The following PTPRD variants were observed in gnomAD, a reference collection of about 807,000 sequenced individuals.
PTPRD encodes the protein receptor-type tyrosine-protein phosphatase delta.
PTPRD carries 34 observed loss-of-function variants against 214.5 expected under a neutral mutation model. The ratio of observed to expected loss-of-function variants is 0.16; its 90% CI spans 0.12 to 0.21. The LOEUF (loss-of-function observed/expected upper bound fraction) is 0.21. Ranked by LOEUF, PTPRD falls within the 10% of genes least tolerant of loss-of-function variation. The pLI is 1.00. For synonymous variants in PTPRD, 1,128 were observed against 845.7 expected (o/e 1.33, Z -5.79); for missense variants, 2,545 against 2,398.7 (o/e 1.06, Z -1.27).
intron 14 of PTPRD, among the ~76,000 whole-genome samples, chr9:8,554,258 G>C (rs1347736957): frequency 1.3e-5 from 2 of 152,006 alleles, no homozygotes; most frequent in Non-Finnish European, 2.9e-5. Context: ...ATAAATAAAA[G>C]CTTTGTTAAC....
intron 3 of PTPRD, among the ~76,000 whole-genome samples, chr9:10,189,254 C>T (rs947901344): frequency 6.6e-6 from 1 of 152,106 alleles, no homozygotes; most frequent in Non-Finnish European, 1.5e-5. Context: ...GCCCTGCTGC[C>T]ACTTTTAGGG....
intron 14 of PTPRD, among the ~76,000 whole-genome samples, chr9:8,606,738 G>A (rs961989418): frequency 3.9e-5 from 6 of 152,164 alleles, no homozygotes; most frequent in Non-Finnish European, 2.9e-5. Flanking sequence ...TTATGCTAGA[G>A]GAAGGTCATT....
At chr9:9,045,747 G>C (rs2099670625) in intron 10 of PTPRD, among the ~76,000 whole-genome samples, 1 of 152,124 alleles carries the variant, frequency 6.6e-6, no homozygotes, top group Non-Finnish European at 1.5e-5. Context: ...CAGCCAGCAA[G>C]CACCAGCTGT....
chr9:9,214,148 G>A (rs112608391), intron 9 of PTPRD, among the ~76,000 whole-genome samples: 124 of 152,230 alleles, frequency 8.1e-4, no homozygotes, highest in African/African-American at 2.8e-3. Context: ...AAGGAGAAGT[G>A]CAAAGTATCC....
At chr9:9,336,275 G>C (rs1006828856) in intron 9 of PTPRD, among the ~76,000 whole-genome samples, 3 of 152,134 alleles carry the variant, frequency 2.0e-5, no homozygotes, top group African/African-American at 7.2e-5. Context: ...ATGTAGAGAT[G>C]TTGGTCATAC....
At chr9:10,464,338 T>G (rs762654764) in intron 2 of PTPRD, among the ~76,000 whole-genome samples, 2 of 151,696 alleles carry the variant, frequency 1.3e-5, no homozygotes, top group Non-Finnish European at 2.9e-5. Context: ...CGAGGTCATG[T>G]CACTGCACTC....
At chr9:9,589,968 T>C (rs1347889635) in intron 7 of PTPRD, among the ~76,000 whole-genome samples, 2 of 152,006 alleles carry the variant, frequency 1.3e-5, no homozygotes, top group East Asian at 3.9e-4. Flanking sequence ...TCATACATTG[T>C]GATTCTCATT....
intron 9 of PTPRD, among the ~76,000 whole-genome samples, chr9:9,229,273 G>C (rs978339684): frequency 6.6e-6 from 1 of 152,054 alleles, no homozygotes; most frequent in Non-Finnish European, 1.5e-5. Flanking sequence ...TCCTGTAACT[G>C]ATAAGATTTG....
At chr9:8,950,877 T>G (rs1302756416) in intron 11 of PTPRD, among the ~76,000 whole-genome samples, 1 of 152,066 alleles carries the variant, frequency 6.6e-6, no homozygotes, top group East Asian at 1.9e-4. Flanking sequence ...TGTTCAGATT[T>G]TATTGCCAGT....
At chr9:9,958,030 AAG>A (rs78520608) in intron 4 of PTPRD, among the ~76,000 whole-genome samples, 37,609 of 152,082 alleles carry the variant, frequency 0.25, 5,611 homozygotes, top group East Asian at 0.53. Context: ...GTGTATGTGT[AAG>A]AGAGAGAATC....
chr9:10,568,324 C>T (rs1803744759), intron 2 of PTPRD, among the ~76,000 whole-genome samples: 1 of 152,036 alleles, frequency 6.6e-6, no homozygotes. Flanking sequence ...GCATAGTATT[C>T]CATGGTGTAT....
intron 2 of PTPRD, among the ~76,000 whole-genome samples, chr9:10,488,353 T>G (rs1294922914): frequency 2.4e-5 from 3 of 125,196 alleles, no homozygotes; most frequent in Admixed American, 9.7e-5. Context: ...GGCAACAGAG[T>G]GAGACTCTGT....
intron 34 of PTPRD, chr9:8,437,143 G>A: frequency 8.0e-7 from 1 of 1,249,506 alleles, no homozygotes; most frequent in Non-Finnish European, 1.1e-6. Context: ...AAGGGAAAGA[G>A]TAGTAGCTTG....
intron 3 of PTPRD, among the ~76,000 whole-genome samples, chr9:10,202,083 T>G (rs2099428458): frequency 6.6e-6 from 1 of 152,056 alleles, no homozygotes; most frequent in Non-Finnish European, 1.5e-5. Context: ...AGAGGCTGTT[T>G]AGGCTGAGAA....
At chr9:8,323,946 A>C (rs1830945716) in intron 44 of PTPRD, among the ~76,000 whole-genome samples, 1 of 152,142 alleles carries the variant, frequency 6.6e-6, no homozygotes, top group Non-Finnish European at 1.5e-5. Context: ...TTGATGTGGC[A>C]AACTTCATTA....
intron 5 of PTPRD, among the ~76,000 whole-genome samples, chr9:9,858,790 C>G (rs2062059877): frequency 6.6e-6 from 1 of 152,150 alleles, no homozygotes; most frequent in African/African-American, 2.4e-5. Context: ...CCCAAATCAA[C>G]AGTTACTTTT....
intron 7 of PTPRD, among the ~76,000 whole-genome samples, chr9:9,590,278 C>G (rs984425794): frequency 1.3e-5 from 2 of 151,888 alleles, no homozygotes; most frequent in African/African-American, 4.8e-5. Flanking sequence ...ATGTGAGCTC[C>G]TCACAGGCAG....
At chr9:8,501,721 C>G (rs916687125) in intron 23 of PTPRD, among the ~76,000 whole-genome samples, 1 of 152,136 alleles carries the variant, frequency 6.6e-6, no homozygotes, top group Non-Finnish European at 1.5e-5. Flanking sequence ...AGTGAGCATG[C>G]AGAATCAATA....
rs564879657 is a variant in PTPRD, at chr9:8,791,401, T to C, written c.-103-57455A>G. Among the ~76,000 whole-genome samples, 3 of 152,020 alleles carry C rather than the reference T, an allele frequency of 2.0e-5. No homozygotes were observed. In the South Asian group the frequency reaches 6.2e-4, roughly 32 times the overall value. On this transcript the variant is annotated intron_variant, in intron 11 of 45. Coordinates refer to ENST00000381196, the MANE Select transcript of PTPRD (RefSeq NM_002839.4). ...CCATCACACCCAGCTAATTTTTGTA[T>C]TTTTAGTAGAGACATGGTTTCACCA...
Sources: allele counts gnomAD v4.1 joint callset (sites outside exome capture counted in the v4.1 genomes callset), GRCh38; gene constraint gnomAD v4.1.1; transcripts MANE v1.5; gene names NCBI Gene and HGNC (gene_info 2026-07-23, HGNC 2026-07-21).